The following MED12L variants were observed in gnomAD, a reference collection of about 807,000 sequenced individuals.
The protein encoded by MED12L is mediator complex subunit 12L, also known as mediator of RNA polymerase II transcription subunit 12-like protein.
In MED12L, 60 loss-of-function variants were observed where a neutral mutation model predicts 281.3. That is an observed-to-expected ratio of 0.21 (90% CI 0.17 to 0.26). The LOEUF is 0.26. MED12L is among the 10% of genes least tolerant of loss of function. The pLI, the probability that MED12L is intolerant of heterozygous loss-of-function variation, is 1.00. For missense variants in MED12L, 2,146 were observed against 2,680.9 expected (o/e 0.80, Z 4.41); for synonymous variants, 974 against 987.2 (o/e 0.99, Z 0.25).
At chr3:151,236,682 G>A (rs890250749) in intron 16 of MED12L, among the ~76,000 whole-genome samples, 5 of 152,116 alleles carry the variant, frequency 3.3e-5, no homozygotes, top group Non-Finnish European at 7.4e-5. Flanking sequence ...AAAAGTGTGT[G>A]TGAATGAAGT....
chr3:151,373,014 G>C (rs1756380590), intron 27 of MED12L, among the ~76,000 whole-genome samples: 1 of 152,054 alleles, frequency 6.6e-6, no homozygotes, highest in Non-Finnish European at 1.5e-5. Flanking sequence ...TGGAGATGTG[G>C]GTGCATATAC....
intron 16 of MED12L, among the ~76,000 whole-genome samples, chr3:151,320,794 G>A (rs937716605): frequency 6.6e-6 from 1 of 152,124 alleles, no homozygotes; most frequent in Non-Finnish European, 1.5e-5. Context: ...TTGCTTGTGC[G>A]AGAGGCAGTG....
At chr3:151,372,787 T>G in intron 27 of MED12L, 21 bp downstream of exon 27, 1 of 1,596,740 alleles carries the variant, frequency 6.3e-7, no homozygotes, top group Non-Finnish European at 8.6e-7. Flanking sequence ...TTAATTTGCC[T>G]TTTACTTTGA....
At chr3:151,178,505 G>C (rs1024236939) in intron 11 of MED12L, among the ~76,000 whole-genome samples, 1 of 152,198 alleles carries the variant, frequency 6.6e-6, no homozygotes, top group Non-Finnish European at 1.5e-5. Flanking sequence ...AAAGGCCATT[G>C]TGTATTGTGT....
rs1363748783 is a variant in MED12L, at chr3:151,127,807, T to C, written c.397-18T>C. The C allele has an allele frequency of 3.3e-6, 5 of 1,532,036 alleles. No homozygotes were observed. The South Asian group carries it at 5.7e-5, about 17-fold the overall frequency. 94.9% of individuals were successfully genotyped at this position (1,532,036 alleles called of 1,614,324 possible). On this transcript the variant is annotated intron_variant, in intron 4 of 44. Coordinates refer to ENST00000687756, the MANE Select transcript of MED12L (RefSeq NM_001393769.1). ...CAGTACGTGATTATTATAAATATACTATGTTGTTTCTTTTTAGGTTCCTAT... is the reference window on the plus strand; with the variant it reads ...CAGTACGTGATTATTATAAATATACCATGTTGTTTCTTTTTAGGTTCCTAT...
intron 16 of MED12L, among the ~76,000 whole-genome samples, chr3:151,280,793 A>G (rs1437494430): frequency 6.6e-6 from 1 of 151,468 alleles, no homozygotes; most frequent in Non-Finnish European, 1.5e-5. Flanking sequence ...ATTGAAGCGT[A>G]CTCTGTGCCT....
chr3:151,372,199 C>T (rs1343842604), intron 26 of MED12L, among the ~76,000 whole-genome samples: 2 of 152,020 alleles, frequency 1.3e-5, no homozygotes, highest in Non-Finnish European at 1.5e-5. Flanking sequence ...GGTGAGTAAC[C>T]CATTTTTTCC....
intron 12 of MED12L, chr3:151,188,028 A>G (rs1378712120): frequency 1.2e-5 from 2 of 166,092 alleles, no homozygotes; most frequent in Non-Finnish European, 2.6e-5. Context: ...AATGTTTTTC[A>G]GGGGTGTTTT....
intron 3 of MED12L, among the ~76,000 whole-genome samples, chr3:151,119,802 T>G (rs1469235656): frequency 6.6e-6 from 1 of 152,198 alleles, no homozygotes; most frequent in Admixed American, 6.5e-5. Flanking sequence ...CTGAGGGGAA[T>G]TTGATTTTAT....
intron 32 of MED12L, among the ~76,000 whole-genome samples, chr3:151,381,358 T>G (rs993599308): frequency 6.6e-6 from 1 of 152,216 alleles, no homozygotes; most frequent in African/African-American, 2.4e-5. Flanking sequence ...AGTCACATAT[T>G]ACCTCAGTAT....
At chr3:151,305,927 C>T (rs1322368949) in intron 16 of MED12L, among the ~76,000 whole-genome samples, 3 of 152,188 alleles carry the variant, frequency 2.0e-5, no homozygotes, top group Non-Finnish European at 4.4e-5. Context: ...GATTTGCTAG[C>T]ATCCAGCATG....
At chr3:151,383,674 C>T in intron 33 of MED12L, 105 bp from the exon 34 acceptor site, 1 of 682,832 alleles carries the variant, frequency 1.5e-6, no homozygotes, top group Non-Finnish European at 2.5e-6. Flanking sequence ...TAGAGCATCC[C>T]TTGTTTTTTT....
chr3:151,141,187 G>GTTTTTTTTTTTTTTTTTTTTTTTTTTTTT (rs76965310), intron 5 of MED12L, among the ~76,000 whole-genome samples: 21 of 99,112 alleles, frequency 2.1e-4, no homozygotes, highest in East Asian at 7.1e-4. Flanking sequence ...TGTTTTTTTT[G>GTTTTTTTTTTTTTTTTTTTTTTTTTTTTT]TTTTTTTTTT....
intron 16 of MED12L, among the ~76,000 whole-genome samples, chr3:151,263,702 T>A (rs537296817): frequency 8.5e-5 from 13 of 152,328 alleles, no homozygotes; most frequent in African/African-American, 2.2e-4. Context: ...TCTAAGAGAT[T>A]AATGTAATAT....
At chr3:151,430,167 C>T (rs975781026) in intron 43 of MED12L, 132 bp from the exon 44 acceptor site, 3 of 1,303,202 alleles carry the variant, frequency 2.3e-6, no homozygotes, top group Admixed American at 2.4e-5. Flanking sequence ...AATCCACACA[C>T]AGTTGTCATA....
chr3:151,275,480 C>A (rs562846388), intron 16 of MED12L, among the ~76,000 whole-genome samples: 10 of 151,962 alleles, frequency 6.6e-5, no homozygotes, highest in African/African-American at 2.2e-4. Context: ...TAATTTATAC[C>A]GAGTAAAGAC....
At chr3:151,109,685 G>A (rs1711573951) in intron 2 of MED12L, among the ~76,000 whole-genome samples, 1 of 152,202 alleles carries the variant, frequency 6.6e-6, no homozygotes, top group Non-Finnish European at 1.5e-5. Flanking sequence ...TCTTGGACAT[G>A]TGTGTACAAC....
At chr3:151,416,793 C>T (rs1717613598) in intron 43 of MED12L, among the ~76,000 whole-genome samples, 1 of 152,144 alleles carries the variant, frequency 6.6e-6, no homozygotes, top group Admixed American at 6.5e-5. Context: ...TCTCAAAAAC[C>T]ATGGGCGCAC....
intron 5 of MED12L, among the ~76,000 whole-genome samples, chr3:151,140,347 T>A (rs1278412240): frequency 6.6e-6 from 1 of 152,186 alleles, no homozygotes; most frequent in African/African-American, 2.4e-5. Context: ...TACAACTGAT[T>A]TGTAGAACTT....
Sources: allele counts gnomAD v4.1 joint callset (sites outside exome capture counted in the v4.1 genomes callset), GRCh38; gene constraint gnomAD v4.1.1; transcripts MANE v1.5; gene names NCBI Gene and HGNC (gene_info 2026-07-23, HGNC 2026-07-21).